Variants in TRAPPC9 observed in about 807,000 individuals in gnomAD.
The protein encoded by TRAPPC9 is trafficking protein particle complex subunit 9, also known as IKK2 binding protein.
TRAPPC9 carries 83 observed loss-of-function variants against 124.0 expected under a neutral mutation model. The ratio of observed to expected loss-of-function variants is 0.67; its 90% CI spans 0.56 to 0.80. TRAPPC9 has a LOEUF of 0.80. Among genes scored for constraint, TRAPPC9 ranks in the 30% least tolerant of loss-of-function variants. The pLI, the probability that TRAPPC9 is intolerant of heterozygous loss-of-function variation, is 0.00. For synonymous variants in TRAPPC9, 638 were observed against 617.5 expected, an observed-to-expected ratio of 1.03 and a Z score of -0.49; for missense variants, 1,302 against 1,508.3, an observed-to-expected ratio of 0.86 and a Z score of 2.27.
At chr8:140,173,491 G>T (rs576656944) in intron 17 of TRAPPC9, among the ~76,000 whole-genome samples, 4 of 149,816 alleles carry the variant, frequency 2.7e-5, no homozygotes, top group East Asian at 2.0e-4. Flanking sequence ...GACGTGGAGC[G>T]TGCAGTGAGC....
intron 17 of TRAPPC9, among the ~76,000 whole-genome samples, chr8:140,199,263 G>C (rs540761984): frequency 1.9e-4 from 29 of 152,254 alleles, no homozygotes; most frequent in Admixed American, 1.7e-3. Context: ...AGGTCTCCTG[G>C]GGGGTGCTGA....
chr8:139,916,009 G>C (rs1388909985), intron 19 of TRAPPC9, among the ~76,000 whole-genome samples: 2 of 152,208 alleles, frequency 1.3e-5, no homozygotes, highest in Non-Finnish European at 2.9e-5. Flanking sequence ...CTAGATGGAG[G>C]AAAGGACCAG....
chr8:140,212,704 T>C (rs1380243910), intron 17 of TRAPPC9, among the ~76,000 whole-genome samples: 1 of 152,186 alleles, frequency 6.6e-6, no homozygotes, highest in Non-Finnish European at 1.5e-5. Flanking sequence ...CTCCCTTAAG[T>C]GTTTGGTAAG....
At chr8:140,265,806 A>G (rs1267240148) in intron 15 of TRAPPC9, among the ~76,000 whole-genome samples, 1 of 152,226 alleles carries the variant, frequency 6.6e-6, no homozygotes, top group Non-Finnish European at 1.5e-5. Flanking sequence ...GACATGTAAG[A>G]AGCCATTAAT....
chr8:139,881,646 AG>A (rs1829679331), intron 21 of TRAPPC9, among the ~76,000 whole-genome samples: 1 of 152,014 alleles, frequency 6.6e-6, no homozygotes, highest in South Asian at 2.1e-4. Context: ...TATGAAAAAA[AG>A]AGCTGGCCTA....
intron 15 of TRAPPC9, among the ~76,000 whole-genome samples, chr8:140,266,622 G>T (rs1157233367): frequency 1.3e-5 from 2 of 152,056 alleles, no homozygotes; most frequent in Non-Finnish European, 2.9e-5. Flanking sequence ...ACTTTGGGAG[G>T]CCAAGGCGGG....
chr8:139,827,773 G>C (rs1825736385), intron 21 of TRAPPC9, among the ~76,000 whole-genome samples: 1 of 152,218 alleles, frequency 6.6e-6, no homozygotes, highest in Admixed American at 6.5e-5. Flanking sequence ...GTTTACAAAG[G>C]AAAGAGGCTT....
At chr8:140,170,950 A>C (rs1454284526) in intron 17 of TRAPPC9, among the ~76,000 whole-genome samples, 1 of 152,120 alleles carries the variant, frequency 6.6e-6, no homozygotes, top group Non-Finnish European at 1.5e-5. Context: ...AAGACAGAGA[A>C]GTGCACACTA....
chr8:140,100,905 G>T (rs1270632854), intron 17 of TRAPPC9, among the ~76,000 whole-genome samples: 1 of 152,198 alleles, frequency 6.6e-6, no homozygotes, highest in Non-Finnish European at 1.5e-5. Context: ...TATAGGCTAA[G>T]TTACAGGGCC....
intron 21 of TRAPPC9, among the ~76,000 whole-genome samples, chr8:139,786,035 C>T (rs916928647): frequency 2.0e-5 from 3 of 151,774 alleles, no homozygotes; most frequent in Middle Eastern, 6.8e-3. Flanking sequence ...GGTGAAACCC[C>T]GTCTCTATTA....
At chr8:139,871,932 A>G (rs575649409) in intron 21 of TRAPPC9, among the ~76,000 whole-genome samples, 1 of 150,670 alleles carries the variant, frequency 6.6e-6, no homozygotes, top group South Asian at 2.1e-4. Flanking sequence ...GGTCAGATGA[A>G]TGAGTTGATG....
At position 140,457,728 on chromosome 8, in the gene TRAPPC9, G is replaced by GGCTGGCGCTTCCT. The variant is rs1270906521; in HGVS notation, c.-113_-101dup. 5 of 995,700 alleles carry GGCTGGCGCTTCCT rather than the reference G, an allele frequency of 5.0e-6. No individual in the cohort carries two copies. In the African/African-American group the frequency reaches 8.7e-5, roughly 17 times the overall value. The allele number at this position is 995,700 out of a possible 1,614,324, so 61.7% of individuals were successfully genotyped here. A position where few individuals can be genotyped will look rare whatever the true frequency, so the allele number is the denominator to read the frequency against. On this transcript the variant is annotated 5_prime_UTR_variant, in exon 1 of 23. Transcript: ENST00000438773. ...CTCTGCGGCCACTTCCCAGGCTCTG[G>GGCTGGCGCTTCCT]GCTGGCGCTTCCTACTGGCGGCCGA...
chr8:140,029,551 C>A (rs1302136450), intron 17 of TRAPPC9, among the ~76,000 whole-genome samples: 3 of 151,920 alleles, frequency 2.0e-5, no homozygotes, highest in East Asian at 1.9e-4. Flanking sequence ...AGAATGTACT[C>A]CCACATTTTC....
intron 21 of TRAPPC9, among the ~76,000 whole-genome samples, chr8:139,838,468 A>T (rs971787325): frequency 6.6e-6 from 1 of 152,220 alleles, no homozygotes; most frequent in African/African-American, 2.4e-5. Flanking sequence ...TGGCACCAGG[A>T]CTGAGCGGGG....
chr8:139,830,781 G>C lies in TRAPPC9; in HGVS notation c.3055+55098C>G, dbSNP rs1277288168. On this transcript the variant is annotated intron_variant, in intron 21 of 22. Coordinates refer to ENST00000438773, the MANE Select transcript of TRAPPC9 (RefSeq NM_001160372.4). ...CCAATGCCAAACACCAGCCTCGGCT[G>C]CTGCACCAGGGAGCCCGGAAGCCTC... Among the ~76,000 whole-genome samples the C allele has an allele frequency of 2.0e-5, 3 of 152,336 alleles. No individual in the cohort carries two copies. In the East Asian group the frequency reaches 5.8e-4, roughly 29 times the overall value.
chr8:139,844,898 C>T (rs996894275), intron 21 of TRAPPC9, among the ~76,000 whole-genome samples: 4 of 152,196 alleles, frequency 2.6e-5, no homozygotes, highest in Admixed American at 6.5e-5. Flanking sequence ...GCCTGAAGGC[C>T]TCAGCCACCC....
At chr8:140,329,334 T>C (rs1250014993) in intron 9 of TRAPPC9, among the ~76,000 whole-genome samples, 2 of 152,132 alleles carry the variant, frequency 1.3e-5, no homozygotes, top group African/African-American at 2.4e-5. Context: ...AAGTGGTCAT[T>C]TGTGACCTTC....
At chr8:140,204,154 C>A (rs1468101474) in intron 17 of TRAPPC9, among the ~76,000 whole-genome samples, 1 of 152,008 alleles carries the variant, frequency 6.6e-6, no homozygotes, top group Non-Finnish European at 1.5e-5. Context: ...CTCTGTGAGT[C>A]CAAGTAAGAG....
At chr8:140,006,954 T>C (rs1399101437) in intron 18 of TRAPPC9, among the ~76,000 whole-genome samples, 1 of 152,148 alleles carries the variant, frequency 6.6e-6, no homozygotes, top group Admixed American at 6.6e-5. Context: ...AATTATACAG[T>C]TTAAGTGGGC....
Sources: gnomAD v4.1 joint callset for allele counts (sites outside exome capture counted in the v4.1 genomes callset) on GRCh38, gnomAD v4.1.1 for gene constraint, MANE v1.5 for transcripts, NCBI Gene and HGNC (gene_info 2026-07-23, HGNC 2026-07-21) for gene names.